Variants in FRYL observed in about 807,000 individuals in gnomAD.
FRYL encodes protein furry homolog-like.
FRYL carries 150 observed loss-of-function variants against 351.2 expected under a neutral mutation model. The observed-to-expected ratio is 0.43, with a 90% CI of 0.37 to 0.49. The LOEUF is 0.49. Ranked by LOEUF, FRYL falls within the 20% of genes least tolerant of loss-of-function variation. FRYL has a pLI of 0.00. For synonymous variants in FRYL, 1,153 were observed against 1,257.1 expected (o/e 0.92, Z 1.75); for missense variants, 3,036 against 3,619.3 (o/e 0.84, Z 4.13).
chr4:48,656,606 A>G (rs1759242548), intron 3 of FRYL, among the ~76,000 whole-genome samples: 1 of 135,592 alleles, frequency 7.4e-6, no homozygotes, highest in South Asian at 2.3e-4. Context: ...ATGTATACAT[A>G]TATGCATTAT....
chr4:48,510,844 A>G lies in FRYL; in HGVS notation c.8286T>C (p.Asp2762=). Residue 2762 remains aspartate, a synonymous_variant, in exon 58 of 64, where the codon GAT becomes GAC. Coordinates refer to ENST00000358350, the MANE Select transcript of FRYL (RefSeq NM_015030.2). The part of the protein sequence containing the change: ...LCSECPTVFV[D]AETLMSCGLL... ...GCATGTAAAAACTTACTGTTTCAGCATCCACAAAGACTGTTGGGCATTCTG... is the reference window on the plus strand; with the variant it reads ...GCATGTAAAAACTTACTGTTTCAGCGTCCACAAAGACTGTTGGGCATTCTG... The G allele has an allele frequency of 6.2e-7, 1 of 1,611,460 alleles. No individual in the cohort carries two copies. Among genetic ancestry groups the G allele is most frequent in the East Asian group, 2.2e-5 (1 of 44,796 alleles).
intron 3 of FRYL, among the ~76,000 whole-genome samples, chr4:48,668,178 G>T (rs1441214281): frequency 6.6e-6 from 1 of 152,084 alleles, no homozygotes; most frequent in Non-Finnish European, 1.5e-5. Context: ...AAGTACCTGC[G>T]ACAAAGACCT....
intron 3 of FRYL, among the ~76,000 whole-genome samples, chr4:48,665,385 A>G (rs1381316743): frequency 6.6e-6 from 1 of 152,210 alleles, no homozygotes; most frequent in Non-Finnish European, 1.5e-5. Context: ...AAATATATTT[A>G]AAAATCATTC....
At chr4:48,557,344 G>C (rs1734350912) in intron 34 of FRYL, 109 bp downstream of exon 34, 2 of 1,402,146 alleles carry the variant, frequency 1.4e-6, no homozygotes, top group Non-Finnish European at 9.7e-7. Flanking sequence ...TTTAAAGAAA[G>C]ATATTTGTTT....
At chr4:48,665,850 A>G (rs1761627980) in intron 3 of FRYL, among the ~76,000 whole-genome samples, 1 of 152,206 alleles carries the variant, frequency 6.6e-6, no homozygotes, top group Admixed American at 6.5e-5. Context: ...AAGGCTCACT[A>G]TTTACTGCCA....
At position 48,601,938 on chromosome 4, in the gene FRYL, T is replaced by G. The variant is rs557651107; in HGVS notation, c.1035+82A>C. On this transcript the variant is annotated intron_variant, in intron 13 of 63. Transcript: ENST00000358350. ...AAGTATACCAATAGTAACAAAAGTT[T>G]CATTATGCACTGTTCAATTTATATG... 220 of 745,204 alleles carry G rather than the reference T, an allele frequency of 3.0e-4. 1 individual carries two copies. In the African/African-American group the frequency reaches 3.7e-3, roughly 12 times the overall value. The allele number at this position is 745,204 out of a possible 1,614,324, so 46.2% of individuals were successfully genotyped here.
At chr4:48,506,851 C>T (rs887869785) in intron 59 of FRYL, among the ~76,000 whole-genome samples, 37 of 151,516 alleles carry the variant, frequency 2.4e-4, no homozygotes, top group African/African-American at 8.7e-4. Flanking sequence ...CCTTTTATTC[C>T]AGTCTCTCAG....
chr4:48,667,336 T>C (rs373560600), intron 3 of FRYL, among the ~76,000 whole-genome samples: 46 of 151,896 alleles, frequency 3.0e-4, no homozygotes, highest in African/African-American at 9.2e-4. Context: ...ACTGGGCACA[T>C]ACAGGAAATG....
At chr4:48,656,476 ATAG>A (rs1281071752) in intron 3 of FRYL, among the ~76,000 whole-genome samples, 2 of 131,044 alleles carry the variant, frequency 1.5e-5, no homozygotes, top group Non-Finnish European at 3.1e-5. Flanking sequence ...TATAATGTAT[ATAG>A]TAATGTATAC....
Position 48,606,519 on chromosome 4 carries a change from G to C in FRYL, c.660C>G (p.Ile220Met). ...AAAATTTCATTCCCATTATTAAGCT[G>C]ATGACACTTTGTACCACATGTGGGC... is the stretch of plus-strand genomic sequence containing the variant. The part of the protein sequence containing the change: ...EQSPHVVQSV[I>M]SLIMGMKFFR... Residue 220 changes from isoleucine to methionine, a missense_variant, in exon 10 of 64, where the codon ATC becomes ATG. Physicochemically the swap from Ile to Met is conservative, Grantham distance 10. This residue lies in a region of FRYL where 457 missense variants were observed against 566.6 expected (regional missense o/e 0.81). Transcript: ENST00000358350. 2 of 1,612,796 alleles carry C rather than the reference G, an allele frequency of 1.2e-6. No homozygotes were observed. Among genetic ancestry groups the C allele is most frequent in the South Asian group, 2.2e-5 (2 of 91,000 alleles).
intron 7 of FRYL, among the ~76,000 whole-genome samples, chr4:48,617,337 A>C (rs1749699303): frequency 6.6e-6 from 1 of 151,578 alleles, no homozygotes; most frequent in South Asian, 2.1e-4. Flanking sequence ...CACCAAAGAA[A>C]AAAAAAAAGA....
At chr4:48,759,520 C>A (rs1006158184) in intron 1 of FRYL, among the ~76,000 whole-genome samples, 1 of 152,182 alleles carries the variant, frequency 6.6e-6, no homozygotes, top group African/African-American at 2.4e-5. Context: ...GGTCTCACAG[C>A]TAAATTCAAG....
chr4:48,654,948 A>C (rs1758511654), intron 3 of FRYL, among the ~76,000 whole-genome samples: 1 of 152,216 alleles, frequency 6.6e-6, no homozygotes, highest in African/African-American at 2.4e-5. Flanking sequence ...ATTTTTTTCC[A>C]TATGTAGCAA....
chr4:48,673,244 TAA>T (rs1763004916), intron 3 of FRYL, among the ~76,000 whole-genome samples: 1 of 152,256 alleles, frequency 6.6e-6, no homozygotes, highest in South Asian at 2.1e-4. Flanking sequence ...AACTGATCAT[TAA>T]AGACAGTTTC....
intron 1 of FRYL, among the ~76,000 whole-genome samples, chr4:48,774,992 CATA>C (rs902709592): frequency 6.6e-6 from 1 of 152,216 alleles, no homozygotes; most frequent in Non-Finnish European, 1.5e-5. Context: ...CATGTAGTCT[CATA>C]ATGATATTCT....
chr4:48,742,725 C>T (rs1262979969), intron 1 of FRYL, among the ~76,000 whole-genome samples: 3 of 152,112 alleles, frequency 2.0e-5, no homozygotes, highest in Non-Finnish European at 4.4e-5. Flanking sequence ...ATTAAAACTA[C>T]ACATAATACC....
chr4:48,606,494 A>G lies in FRYL; in HGVS notation c.685T>C (p.Phe229Leu). 6.2e-7 allele frequency: 1 copy of G among 1,612,974 alleles called. No homozygotes were observed. Among genetic ancestry groups the G allele is most frequent in the Non-Finnish European group, 8.5e-7 (1 of 1,179,186 alleles). The change falls in exon 10 of 64, where the codon TTT becomes CTT. Residue 229 changes from phenylalanine (F) to leucine (L), a missense_variant. By Grantham distance (22) the Phe-to-Leu change is conservative. Coordinates refer to ENST00000358350, the MANE Select transcript of FRYL (RefSeq NM_015030.2). ...TCTACAGGATACATTTTTACTCGAAAAAATTTCATTCCCATTATTAAGCTG... is the reference window on the plus strand; with the variant it reads ...TCTACAGGATACATTTTTACTCGAAGAAATTTCATTCCCATTATTAAGCTG... ...VISLIMGMKF[F>L]RVKMYPVEDF...
In FRYL at chr4:48,670,475, T is replaced by C. The variant is rs1762481615; in HGVS notation, c.-81+14198A>G. 2.0e-5 allele frequency among the ~76,000 whole-genome samples: 3 copies of C among 150,008 alleles called. No homozygotes were observed. In the South Asian group the frequency reaches 6.3e-4, roughly 31 times the overall value. ...ATACATATATATATGTATATATATA[T>C]AATTTTTTTTACTATAGTCACCCTG... is the stretch of plus-strand genomic sequence containing the variant. On this transcript the variant is annotated intron_variant, in intron 3 of 63. Transcript: ENST00000358350.
intron 56 of FRYL, among the ~76,000 whole-genome samples, chr4:48,513,587 G>C (rs1011178113): frequency 6.6e-6 from 1 of 152,210 alleles, no homozygotes; most frequent in African/African-American, 2.4e-5. Context: ...CGCATTACAA[G>C]CTAGTTCTAT....
Sources: allele counts gnomAD v4.1 joint callset (sites outside exome capture counted in the v4.1 genomes callset), GRCh38; gene constraint gnomAD v4.1.1; regional missense constraint gnomAD v4.1.1; transcripts MANE v1.5; gene names NCBI Gene and HGNC (gene_info 2026-07-23, HGNC 2026-07-21).